Variants in SRBD1 observed in about 807,000 individuals in gnomAD.
SRBD1 encodes the protein S1 RNA binding domain 1.
A neutral mutation model predicts 115.3 loss-of-function variants in SRBD1; 88 were observed. The ratio of observed to expected loss-of-function variants is 0.76; its 90% CI spans 0.64 to 0.91. The LOEUF (loss-of-function observed/expected upper bound fraction) is 0.91. Among genes scored for constraint, SRBD1 ranks in the 40% least tolerant of loss-of-function variants. SRBD1 has a pLI of 0.00. For synonymous variants in SRBD1, 509 were observed against 407.7 expected (o/e 1.25, Z -2.99); for missense variants, 1,385 against 1,177.4 (o/e 1.18, Z -2.58).
Position 45,454,490 on chromosome 2 carries a change from C to T in SRBD1, c.2049+22503G>A, listed in dbSNP as rs185538724. Among the ~76,000 whole-genome samples, 65 of 151,890 alleles carry T rather than the reference C, an allele frequency of 4.3e-4. 1 individual carries two copies. In the East Asian group the frequency reaches 5.0e-3, roughly 12 times the overall value. The stretch of plus-strand genomic sequence containing the variant: ...GGTACAAATTTACTTTTCCACCCAA[C>T]GGCACTGTGAAGGACTCCATTGAAT... On this transcript the variant is annotated intron_variant, in intron 16 of 20. Transcript: ENST00000263736.
intron 14 of SRBD1, among the ~76,000 whole-genome samples, chr2:45,540,721 A>G (rs1470170304): frequency 6.6e-6 from 1 of 152,214 alleles, no homozygotes; most frequent in African/African-American, 2.4e-5. Context: ...TTGAACAGAT[A>G]CCTCACTAAA....
intron 16 of SRBD1, among the ~76,000 whole-genome samples, chr2:45,468,796 C>T (rs544145228): frequency 6.6e-6 from 1 of 152,316 alleles, no homozygotes; most frequent in South Asian, 2.1e-4. Context: ...TCATCTCCAG[C>T]TCTGTTAACT....
At chr2:45,549,572 C>T (rs199719482) in intron 12 of SRBD1, among the ~76,000 whole-genome samples, 4 of 151,268 alleles carry the variant, frequency 2.6e-5, no homozygotes, top group South Asian at 4.2e-4. Flanking sequence ...ATAAGAGTAA[C>T]GTTAATTCTG....
In SRBD1 at chr2:45,579,869, C is replaced by G. The variant is rs1222983461; in HGVS notation, c.1072+6G>C. On this transcript the variant is annotated splice_donor_region_variant and intron_variant, in intron 7 of 20. Transcript: ENST00000263736. ...CAAAGTTGATCTCTGTAAATAAAGC[C>G]AGTACCTTTAACGTCAGGCCTAATG... The G allele has an allele frequency of 1.9e-6, 3 of 1,551,944 alleles. No individual in the cohort carries two copies. Among genetic ancestry groups the G allele is most frequent in the Non-Finnish European group, 2.6e-6 (3 of 1,156,414 alleles).
intron 1 of SRBD1, among the ~76,000 whole-genome samples, chr2:45,606,639 A>G (rs765106869): frequency 1.3e-5 from 2 of 152,224 alleles, no homozygotes; most frequent in Non-Finnish European, 2.9e-5. Flanking sequence ...ACTAAAAACT[A>G]TTTACCAAAT....
At chr2:45,609,576 C>T (rs765673127) in intron 1 of SRBD1, among the ~76,000 whole-genome samples, 1 of 152,196 alleles carries the variant, frequency 6.6e-6, no homozygotes, top group Non-Finnish European at 1.5e-5. Flanking sequence ...AAGGCCCTGT[C>T]GGACTGAGCC....
intron 9 of SRBD1, among the ~76,000 whole-genome samples, chr2:45,567,237 A>G (rs1287801010): frequency 6.6e-6 from 1 of 152,320 alleles, no homozygotes; most frequent in African/African-American, 2.4e-5. Flanking sequence ...AAAAAATTAT[A>G]TAGGGGACTT....
At chr2:45,607,341 G>A (rs757791540) in intron 1 of SRBD1, among the ~76,000 whole-genome samples, 2 of 151,610 alleles carry the variant, frequency 1.3e-5, no homozygotes, top group African/African-American at 4.8e-5. Context: ...TATTCCTCTA[G>A]AAGAAAAAAA....
chr2:45,585,971 T>C (rs1404893028), intron 4 of SRBD1, among the ~76,000 whole-genome samples, 197 bp from the exon 5 acceptor site: 1 of 152,196 alleles, frequency 6.6e-6, no homozygotes, highest in Non-Finnish European at 1.5e-5. Flanking sequence ...ATTTCACAAA[T>C]TCAATAAAAT....
intron 4 of SRBD1, among the ~76,000 whole-genome samples, chr2:45,587,297 A>C (rs1251378819): frequency 6.7e-6 from 1 of 148,206 alleles, no homozygotes; most frequent in African/African-American, 2.4e-5. Context: ...ACTAATATTT[A>C]CAATAATATT....
At chr2:45,463,803 C>G (rs969477363) in intron 16 of SRBD1, among the ~76,000 whole-genome samples, 1 of 152,020 alleles carries the variant, frequency 6.6e-6, no homozygotes, top group Admixed American at 6.6e-5. Context: ...AACTATGCAT[C>G]CACACACAAC....
chr2:45,407,314 T>C (rs139483634), intron 19 of SRBD1, among the ~76,000 whole-genome samples: 64 of 152,346 alleles, frequency 4.2e-4, no homozygotes, highest in East Asian at 2.9e-3. Context: ...TCCAATTTTC[T>C]AAATGCCTCT....
intron 19 of SRBD1, among the ~76,000 whole-genome samples, chr2:45,403,699 T>C (rs1034552903): frequency 9.2e-5 from 14 of 152,164 alleles, no homozygotes; most frequent in African/African-American, 3.4e-4. Flanking sequence ...TATTCTACTA[T>C]GTTCTACTCC....
chr2:45,547,614 T>C lies in SRBD1; in HGVS notation c.1676-2A>G. ...CCACATCAGTATGAAGTATCTGACCTTTAAAAAATGAAAAGAATAAGCCAT... is the reference window on the plus strand; with the variant it reads ...CCACATCAGTATGAAGTATCTGACCCTTAAAAAATGAAAAGAATAAGCCAT... On this transcript the variant is annotated splice_acceptor_variant, in intron 12 of 20. Transcript: ENST00000263736. LOFTEE classifies it high-confidence loss of function. 1 of 1,603,506 alleles carries C rather than the reference T, an allele frequency of 6.2e-7. No individual in the cohort carries two copies. Among genetic ancestry groups the C allele is most frequent in the Non-Finnish European group, 8.5e-7 (1 of 1,176,274 alleles).
At chr2:45,493,973 ACTAG>A (rs1351717704) in intron 14 of SRBD1, among the ~76,000 whole-genome samples, 4 of 152,156 alleles carry the variant, frequency 2.6e-5, no homozygotes, top group African/African-American at 4.8e-5. Flanking sequence ...TTCTCTCTGA[ACTAG>A]CTATTATATT....
At chr2:45,597,818 A>G (rs955198952) in intron 4 of SRBD1, among the ~76,000 whole-genome samples, 3 of 152,176 alleles carry the variant, frequency 2.0e-5, no homozygotes, top group Admixed American at 6.5e-5. Context: ...AGGCAGGGCC[A>G]TTTTCTACAT....
intron 16 of SRBD1, among the ~76,000 whole-genome samples, chr2:45,458,481 A>C (rs188886459): frequency 1.9e-3 from 287 of 152,270 alleles, no homozygotes; most frequent in Admixed American, 5.4e-3. Context: ...TTCTGCTACT[A>C]AAGCTACCCA....
chr2:45,416,818 G>A lies in SRBD1; in HGVS notation c.2333+1547C>T, dbSNP rs185614005. Among the ~76,000 whole-genome samples, 547 of 151,922 alleles carry A rather than the reference G, an allele frequency of 3.6e-3. 2 individuals are homozygous for A. Among genetic ancestry groups the A allele is most frequent in the African/African-American group, 0.013 (526 of 41,400 alleles). On this transcript the variant is annotated intron_variant, in intron 18 of 20. Transcript: ENST00000263736. ...GAGACAGATAGGATCTTGTTCTGTC[G>A]CCCAGGCTGGAGTGCAGCGGCATGA...
At chr2:45,392,899 G>T (rs1255525563) in intron 20 of SRBD1, 46 bp downstream of exon 20, 2 of 1,520,010 alleles carry the variant, frequency 1.3e-6, no homozygotes, top group South Asian at 2.6e-5. Flanking sequence ...GAGATAATGG[G>T]AGCTATGCAA....
Sources: gnomAD v4.1 joint callset for allele counts (sites outside exome capture counted in the v4.1 genomes callset) on GRCh38, gnomAD v4.1.1 for gene constraint, MANE v1.5 for transcripts, NCBI Gene and HGNC (gene_info 2026-07-23, HGNC 2026-07-21) for gene names.